The following NAA60 variants were observed in gnomAD, a reference collection of about 807,000 sequenced individuals.
The protein encoded by NAA60 is N-alpha-acetyltransferase 60.
A neutral mutation model predicts 26.1 loss-of-function variants in NAA60; 8 were observed. The observed-to-expected ratio is 0.31, with a 90% CI of 0.18 to 0.55. NAA60 has a LOEUF of 0.55. NAA60 is among the 20% of genes least tolerant of loss of function. The probability of loss-of-function intolerance (pLI) is 0.93; values close to 1 mark genes in which losing one functional copy is unlikely to be tolerated. For synonymous variants in NAA60, 131 were observed against 122.5 expected, an observed-to-expected ratio of 1.07 and a Z score of -0.46; for missense variants, 290 against 311.3, an observed-to-expected ratio of 0.93 and a Z score of 0.51.
At chr16:3,467,270 T>G (rs1394492961) in intron 2 of NAA60, among the ~76,000 whole-genome samples, 1 of 151,722 alleles carries the variant, frequency 6.6e-6, no homozygotes, top group East Asian at 1.9e-4. Flanking sequence ...CTGCAGGGTC[T>G]GGGAGCATGT....
At chr16:3,462,085 T>TTAAAAAA (rs2035436230) in intron 2 of NAA60, among the ~76,000 whole-genome samples, 1 of 47,984 alleles carries the variant, frequency 2.1e-5, no homozygotes, top group Non-Finnish European at 3.6e-5. Context: ...AGACCTTATA[T>TTAAAAAA]CAAAAAAAAA....
intron 2 of NAA60, among the ~76,000 whole-genome samples, chr16:3,449,164 G>T (rs1249255689): frequency 6.6e-6 from 1 of 151,184 alleles, no homozygotes; most frequent in Non-Finnish European, 1.5e-5. Context: ...CTGGAGGTCA[G>T]GAGTTCGAGA....
intron 2 of NAA60, among the ~76,000 whole-genome samples, chr16:3,454,247 G>A (rs1256656487): frequency 2.0e-5 from 3 of 152,188 alleles, no homozygotes; most frequent in Non-Finnish European, 2.9e-5. Flanking sequence ...TTAGGATACA[G>A]GCAAGTGCCA....
intron 2 of NAA60, among the ~76,000 whole-genome samples, chr16:3,467,147 C>T (rs1233151504): frequency 2.0e-5 from 3 of 152,252 alleles, no homozygotes; most frequent in African/African-American, 7.2e-5. Context: ...CCTTTAGAAG[C>T]AGCGTCTCAT....
At chr16:3,446,969 G>A (rs2034581642) in intron 1 of NAA60, among the ~76,000 whole-genome samples, 1 of 151,856 alleles carries the variant, frequency 6.6e-6, no homozygotes, top group African/African-American at 2.4e-5. Context: ...AGCCTCCCGA[G>A]TAGCTGGGAC....
Position 3,445,824 on chromosome 16 carries a change from A to G in NAA60, c.-77+1987A>G, listed in dbSNP as rs144593480. ...GAGAGGAAAAAATCTTCCCTAGACT[A>G]TCTTTCCTAAGAGCCATCAAAACTA... On this transcript the variant is annotated intron_variant, in intron 1 of 7. Coordinates refer to ENST00000407558, the MANE Select transcript of NAA60 (RefSeq NM_001083601.3). Among the ~76,000 whole-genome samples the G allele has an allele frequency of 9.3e-3, 1,410 of 152,284 alleles. 17 individuals carry two copies. Among genetic ancestry groups the G allele is most frequent in the African/African-American group, 0.031 (1,306 of 41,552 alleles).
In NAA60 at chr16:3,457,113, G is replaced by T. The variant is rs147585333; in HGVS notation, c.-7+8573G>T. Among the ~76,000 whole-genome samples the T allele has an allele frequency of 2.6e-5, 4 of 152,212 alleles. No homozygotes were observed. The East Asian group carries it at 7.7e-4, about 29-fold the overall frequency. ...AGCCAAGACTCGAATCTTATAACCA[G>T]TTCTCTTCAAATTGGATTCTGGAAA... On this transcript the variant is annotated intron_variant, in intron 2 of 7. Transcript: ENST00000407558.
chr16:3,453,505 T>A (rs2034865101), intron 2 of NAA60, among the ~76,000 whole-genome samples: 1 of 152,030 alleles, frequency 6.6e-6, no homozygotes, highest in African/African-American at 2.4e-5. Flanking sequence ...GCCTTCCAGG[T>A]TCAAGCGATT....
Position 3,484,733 on chromosome 16 carries a change from A to C in NAA60, c.607A>C (p.Ser203Arg). ...YIQHLGSALA[S>R]LSPCSIPHRV... ...CCAGCACCTGGGCTCTGCACTAGCC[A>C]GCCTGAGCCCCTGCTCCATTCCGCA... Residue 203 changes from serine to arginine, a missense_variant, in exon 7 of 8, where the codon AGC becomes CGC. Physicochemically the swap from Ser to Arg is moderately radical, Grantham distance 110. Coordinates refer to ENST00000407558, the MANE Select transcript of NAA60 (RefSeq NM_001083601.3). 2 of 1,596,084 alleles carry C rather than the reference A, an allele frequency of 1.3e-6. No homozygotes were observed. The highest frequency in any genetic ancestry group is 1.7e-6 in the Non-Finnish European group (2 of 1,172,242).
intron 6 of NAA60, 68 bp downstream of exon 6, chr16:3,483,665 A>G: frequency 3.2e-6 from 4 of 1,259,048 alleles, no homozygotes; most frequent in Non-Finnish European, 4.6e-6. Flanking sequence ...CCAGTGAGCA[A>G]GTTGGAGCTG....
chr16:3,486,857 C>G lies in NAA60; in HGVS notation c.*1597C>G, dbSNP rs1180783235. 1.3e-5 allele frequency: 2 copies of G among 152,472 alleles called. No homozygotes were observed. The highest frequency in any genetic ancestry group is 2.9e-5 in the Non-Finnish European group (2 of 68,136). 9.4% of individuals were successfully genotyped at this position (152,472 alleles called of 1,614,324 possible). On this transcript the variant is annotated 3_prime_UTR_variant, in exon 8 of 8. Transcript: ENST00000407558. ...CTCGGGCTCAGAGGCCCCACCCTGC[C>G]CCACACCTGCCCCTGATCACTGCAG...
At chr16:3,449,975 C>T (rs1006965680) in intron 2 of NAA60, 2 of 398,172 alleles carry the variant, frequency 5.0e-6, no homozygotes, top group South Asian at 1.3e-4. Flanking sequence ...TTGTAAATTG[C>T]GCAGTCTCAG....
At chr16:3,482,934 CAG>C (rs2036938378) in intron 5 of NAA60, 1 of 491,192 alleles carries the variant, frequency 2.0e-6, no homozygotes, top group Admixed American at 3.4e-5. Flanking sequence ...GCTCACGATT[CAG>C]AGTAGAAAGC....
chr16:3,452,728 G>A (rs996545713), intron 2 of NAA60, among the ~76,000 whole-genome samples: 2 of 152,004 alleles, frequency 1.3e-5, no homozygotes, highest in Admixed American at 1.3e-4. Context: ...AGGTAAGGTG[G>A]TCAGCTCACT....
At chr16:3,474,654 T>C (rs1448200192) in intron 2 of NAA60, among the ~76,000 whole-genome samples, 1 of 152,034 alleles carries the variant, frequency 6.6e-6, no homozygotes, top group Non-Finnish European at 1.5e-5. Context: ...AAAGACGAGG[T>C]CTTTCCTGGG....
At position 3,443,718 on chromosome 16, in the gene NAA60, C is replaced by A; in HGVS notation, c.-196C>A. ...CGGGGTCTCCTCCGTGAGCTCCGGG[C>A]CTGTTTGCCTGCTGAAGTAGAGTCT... On this transcript the variant is annotated 5_prime_UTR_variant, in exon 1 of 8. Coordinates refer to ENST00000407558, the MANE Select transcript of NAA60 (RefSeq NM_001083601.3). 2 of 1,472,290 alleles carry A rather than the reference C, an allele frequency of 1.4e-6. No individual in the cohort carries two copies. Among genetic ancestry groups the A allele is most frequent in the Non-Finnish European group, 9.0e-7 (1 of 1,114,248 alleles). 91.2% of individuals were successfully genotyped at this position (1,472,290 alleles called of 1,614,324 possible). A position where few individuals can be genotyped will look rare whatever the true frequency, so the allele number is the denominator to read the frequency against.
chr16:3,456,692 T>A (rs941885488), intron 2 of NAA60: 3 of 152,138 alleles, frequency 2.0e-5, no homozygotes, highest in Admixed American at 2.0e-4. Context: ...GGGGGTGGGA[T>A]TCTGTTACTA....
chr16:3,448,290 A>AG lies in NAA60; in HGVS notation c.-76-181_-76-180insG, dbSNP rs1422312361. Among the ~76,000 whole-genome samples the AG allele has an allele frequency of 2.6e-5, 4 of 151,350 alleles. No individual in the cohort carries two copies. The South Asian group carries it at 6.3e-4, about 24-fold the overall frequency. ...CCTTGTCTCAAAAAAAAAAAAAAAA[A>AG]AAACATGGGTTGCTTTGTAGTTTAG... is the stretch of plus-strand genomic sequence containing the variant. On this transcript the variant is annotated intron_variant, in intron 1 of 7. Coordinates refer to ENST00000407558, the MANE Select transcript of NAA60 (RefSeq NM_001083601.3).
chr16:3,485,298 T>A (rs2037096295), intron 7 of NAA60, 169 bp from the exon 8 acceptor site: 1 of 551,024 alleles, frequency 1.8e-6, no homozygotes. Context: ...CCTTTATTTG[T>A]GTGGGGACCG....
Sources: allele counts gnomAD v4.1 joint callset (sites outside exome capture counted in the v4.1 genomes callset), GRCh38; gene constraint gnomAD v4.1.1; transcripts MANE v1.5; gene names NCBI Gene and HGNC (gene_info 2026-07-23, HGNC 2026-07-21).